Variants in AOX1 observed in about 807,000 individuals in gnomAD.
AOX1 encodes the protein aldehyde oxidase.
Under a neutral mutation model 169.5 loss-of-function variants are expected in AOX1, and 153 were observed. That is an observed-to-expected ratio of 0.90 (90% CI 0.79 to 1.03). AOX1 has a LOEUF of 1.03. AOX1 is among the 50% of genes least tolerant of loss of function. The probability of loss-of-function intolerance (pLI) is 0.00; values close to 1 mark genes in which losing one functional copy is unlikely to be tolerated. For synonymous variants in AOX1, 562 were observed against 581.9 expected (o/e 0.97, Z 0.49); for missense variants, 1,656 against 1,663.9 (o/e 1.00, Z 0.08).
intron 10 of AOX1, among the ~76,000 whole-genome samples, chr2:200,607,179 T>A (rs1425461719): frequency 2.6e-5 from 4 of 152,236 alleles, no homozygotes; most frequent in South Asian, 2.1e-4. Context: ...TTATTGAAAG[T>A]TTTTAACATG....
At chr2:200,663,561 C>G (rs565484090) in intron 31 of AOX1, among the ~76,000 whole-genome samples, 114 of 130,260 alleles carry the variant, frequency 8.8e-4, no homozygotes, top group African/African-American at 2.9e-3. Flanking sequence ...CACACACACA[C>G]ACACACACAC....
At chr2:200,599,924 T>C (rs1454349220) in intron 5 of AOX1, among the ~76,000 whole-genome samples, 178 bp downstream of exon 5, 2 of 152,206 alleles carry the variant, frequency 1.3e-5, no homozygotes, top group African/African-American at 4.8e-5. Context: ...ATGCTTTTAC[T>C]TTTAAACGAT....
At chr2:200,611,707 AT>A (rs56096001) in intron 13 of AOX1, among the ~76,000 whole-genome samples, 36,679 of 144,226 alleles carry the variant, frequency 0.25, 4,587 homozygotes, top group Non-Finnish European at 0.28. Context: ...GAATTAGGAG[AT>A]TTTTTTTTTT....
At position 200,586,140 on chromosome 2, in the gene AOX1, T is replaced by A; in HGVS notation, c.32T>A (p.Val11Glu). MDRASELLFYVNGRKVIEKNV... is the reference protein window; with the variant it reads MDRASELLFYENGRKVIEKNV... ...CGGGCGTCCGAGCTGCTCTTCTACGTGAACGGCCGCAAGGTGAGCGCCCGC... is the reference window on the plus strand; with the variant it reads ...CGGGCGTCCGAGCTGCTCTTCTACGAGAACGGCCGCAAGGTGAGCGCCCGC... The change falls in exon 1 of 35, where the codon GTG (valine) becomes GAG (glutamate). Residue 11 changes from valine to glutamate, a missense_variant. By Grantham distance (121) the Val-to-Glu change is moderately radical. Coordinates refer to ENST00000374700, the MANE Select transcript of AOX1 (RefSeq NM_001159.4). 6.4e-7 allele frequency: 1 copy of A among 1,565,890 alleles called. No individual in the cohort carries two copies. The highest frequency in any genetic ancestry group is 8.6e-7 in the Non-Finnish European group (1 of 1,156,482).
downstream of AOX1, among the ~76,000 whole-genome samples, chr2:200,677,385 G>A (rs2540063): frequency 6.6e-6 from 1 of 152,118 alleles, no homozygotes; most frequent in Non-Finnish European, 1.5e-5. Context: ...AAGCCATCAG[G>A]CATTGACTTC....
intron 19 of AOX1, among the ~76,000 whole-genome samples, chr2:200,625,372 C>G (rs1489550344): frequency 6.6e-6 from 1 of 152,128 alleles, no homozygotes; most frequent in Non-Finnish European, 1.5e-5. Context: ...TCTCCACTCC[C>G]CCTACCTTCC....
At chr2:200,636,070 A>ACCAACTGG (rs981258097) in intron 21 of AOX1, among the ~76,000 whole-genome samples, 21 of 146,588 alleles carry the variant, frequency 1.4e-4, no homozygotes, top group Non-Finnish European at 2.7e-4. Flanking sequence ...TCTAGGAAAG[A>ACCAACTGG]CCAACTGGTC....
chr2:200,676,921 T>C (rs1161590555), exon 5 of AOX1: 1 of 470,806 alleles, frequency 2.1e-6, no homozygotes, highest in African/African-American at 2.0e-5. Context: ...GAACAGGTGC[T>C]TTTGATACAA....
At chr2:200,663,063 G>A (rs773810007) in intron 31 of AOX1, 94 bp downstream of exon 31, 12 of 927,976 alleles carry the variant, frequency 1.3e-5, no homozygotes, top group Non-Finnish European at 2.1e-5. Flanking sequence ...GTGAGTGGCA[G>A]CATCGTGCAT....
Position 200,603,687 on chromosome 2 carries a change from G to C in AOX1, c.589-330G>C, listed in dbSNP as rs549888615. Among the ~76,000 whole-genome samples the C allele has an allele frequency of 2.0e-5, 3 of 152,288 alleles. No homozygotes were observed. In the East Asian group the frequency reaches 5.8e-4, roughly 29 times the overall value. On this transcript the variant is annotated intron_variant, in intron 7 of 34. Transcript: ENST00000374700. ...GAGATGTCATGAAAATAAAAGAACAGGTAGAACAAGTAGAGACAGGAGAGG... is the reference window on the plus strand; with the variant it reads ...GAGATGTCATGAAAATAAAAGAACACGTAGAACAAGTAGAGACAGGAGAGG...
chr2:200,679,925 A>G (rs1325855127), downstream of AOX1, among the ~76,000 whole-genome samples: 1 of 152,090 alleles, frequency 6.6e-6, no homozygotes, highest in Non-Finnish European at 1.5e-5. Context: ...ATAAAAAAAT[A>G]AACAACTCAG....
chr2:200,612,831 CCT>C (rs1470077327), intron 14 of AOX1, 38 bp downstream of exon 14: 1 of 1,545,210 alleles, frequency 6.5e-7, no homozygotes. Context: ...TAATACTTGT[CCT>C]TAGACTCCAA....
chr2:200,597,984 A>G (rs1405985), intron 4 of AOX1, among the ~76,000 whole-genome samples: 113,512 of 151,912 alleles, frequency 0.75, 42,554 homozygotes, highest in East Asian at 0.81. Flanking sequence ...GTGAGCACCT[A>G]TAGTCCTGGC....
At chr2:200,591,186 A>C (rs962331916) in intron 1 of AOX1, among the ~76,000 whole-genome samples, 1 of 152,220 alleles carries the variant, frequency 6.6e-6, no homozygotes, top group African/African-American at 2.4e-5. Flanking sequence ...CACCAAGCTC[A>C]GTGTTTGGCA....
chr2:200,599,537 A>T, intron 4 of AOX1, 83 bp from the exon 5 acceptor site: 1 of 1,110,654 alleles, frequency 9.0e-7, no homozygotes, highest in Non-Finnish European at 1.3e-6. Flanking sequence ...TCACCTGGGG[A>T]TCTTGCTAGA....
chr2:200,625,363 C>A (rs1263666842), intron 19 of AOX1, among the ~76,000 whole-genome samples: 1 of 152,158 alleles, frequency 6.6e-6, no homozygotes, highest in African/African-American at 2.4e-5. Flanking sequence ...AATATCTACT[C>A]TCCACTCCCC....
chr2:200,628,576 G>A (rs887376814), intron 20 of AOX1, among the ~76,000 whole-genome samples: 5 of 152,072 alleles, frequency 3.3e-5, no homozygotes, highest in East Asian at 3.9e-4. Flanking sequence ...GAAATCATCC[G>A]GCATTATCTG....
chr2:200,653,816 A>T (rs1306682610), intron 26 of AOX1, among the ~76,000 whole-genome samples: 1 of 152,158 alleles, frequency 6.6e-6, no homozygotes, highest in African/African-American at 2.4e-5. Flanking sequence ...ACTCTTTGTC[A>T]CCTTTTGGTA....
chr2:200,654,206 CAAAAAAAAAAAAA>C (rs60045401), intron 26 of AOX1, among the ~76,000 whole-genome samples: 4 of 84,766 alleles, frequency 4.7e-5, no homozygotes, highest in Admixed American at 1.4e-4. Context: ...GACCCTGTCT[CAAAAAAAAAAAAA>C]AAAAAAAAAA....
Sources: allele counts gnomAD v4.1 joint callset (sites outside exome capture counted in the v4.1 genomes callset), GRCh38; gene constraint gnomAD v4.1.1; transcripts MANE v1.5; gene names NCBI Gene and HGNC (gene_info 2026-07-23, HGNC 2026-07-21).